Variants in TM9SF3 observed in about 807,000 individuals in gnomAD.
TM9SF3 encodes transmembrane 9 superfamily member 3, also known as SM-11044-binding protein.
In TM9SF3, 14 loss-of-function variants were observed where a neutral mutation model predicts 78.6. That is an observed-to-expected ratio of 0.18 (90% CI 0.12 to 0.28). TM9SF3 has a LOEUF of 0.28. Among genes scored for constraint, TM9SF3 ranks in the 10% least tolerant of loss-of-function variants. TM9SF3 has a pLI of 1.00. For synonymous variants in TM9SF3, 231 were observed against 241.7 expected, an observed-to-expected ratio of 0.96 and a Z score of 0.41; for missense variants, 496 against 721.9, an observed-to-expected ratio of 0.69 and a Z score of 3.59.
chr10:96,522,526 T>C (rs190287552), intron 14 of TM9SF3, among the ~76,000 whole-genome samples, 196 bp from the exon 15 acceptor site: 10 of 152,032 alleles, frequency 6.6e-5, no homozygotes, highest in Admixed American at 2.0e-4. Context: ...ACACTGAGTC[T>C]GACCATCATA....
chr10:96,568,969 C>T (rs552900965), intron 2 of TM9SF3, among the ~76,000 whole-genome samples: 57 of 152,214 alleles, frequency 3.7e-4, no homozygotes, highest in African/African-American at 1.3e-3. Context: ...AGACTGATCC[C>T]CTGAGCCCAG....
intron 11 of TM9SF3, among the ~76,000 whole-genome samples, chr10:96,529,025 T>C (rs1488255795): frequency 6.6e-6 from 1 of 152,080 alleles, no homozygotes; most frequent in Admixed American, 6.6e-5. Flanking sequence ...AGAGAAGTTA[T>C]CTAGTGGAAC....
chr10:96,556,319 A>T (rs780719584), intron 5 of TM9SF3, among the ~76,000 whole-genome samples: 4 of 152,200 alleles, frequency 2.6e-5, no homozygotes, highest in Non-Finnish European at 4.4e-5. Context: ...CAAACACTGA[A>T]CTAGGTGCTT....
intron 1 of TM9SF3, among the ~76,000 whole-genome samples, chr10:96,586,004 T>C (rs1008072460): frequency 2.0e-5 from 3 of 152,184 alleles, no homozygotes; most frequent in African/African-American, 7.2e-5. Flanking sequence ...GGCCCTGACC[T>C]GAAGACTGGG....
At chr10:96,571,358 A>C (rs192312989) in intron 2 of TM9SF3, among the ~76,000 whole-genome samples, 132 of 152,296 alleles carry the variant, frequency 8.7e-4, no homozygotes, top group Non-Finnish European at 1.6e-3. Context: ...CCTGTAGTAG[A>C]CCAGTGGCAC....
At chr10:96,524,933 A>C (rs1847821105) in intron 14 of TM9SF3, among the ~76,000 whole-genome samples, 1 of 152,002 alleles carries the variant, frequency 6.6e-6, no homozygotes, top group South Asian at 2.1e-4. Flanking sequence ...CATTGCCAGA[A>C]CAGCAGGGAA....
intron 2 of TM9SF3, among the ~76,000 whole-genome samples, chr10:96,569,040 T>C (rs1848409940): frequency 6.6e-6 from 1 of 151,996 alleles, no homozygotes; most frequent in African/African-American, 2.4e-5. Context: ...CCAGAAAAAT[T>C]AGCCAGGCAT....
chr10:96,529,647 T>TAA (rs72071295), intron 11 of TM9SF3, among the ~76,000 whole-genome samples: 35 of 147,850 alleles, frequency 2.4e-4, no homozygotes, highest in East Asian at 1.6e-3. Flanking sequence ...GCTCTATATT[T>TAA]AAAAAAAAAA....
chr10:96,533,879 A>G (rs1847924532), intron 9 of TM9SF3, among the ~76,000 whole-genome samples: 1 of 152,242 alleles, frequency 6.6e-6, no homozygotes. Context: ...GTGGCCAATT[A>G]GAAACATTTA....
intron 14 of TM9SF3, among the ~76,000 whole-genome samples, chr10:96,526,240 A>G (rs995994411): frequency 1.3e-5 from 2 of 152,132 alleles, no homozygotes; most frequent in African/African-American, 4.8e-5. Context: ...AGCTCTTTCC[A>G]TATCTCACCA....
chr10:96,558,738 A>G (rs1206352432), intron 5 of TM9SF3, among the ~76,000 whole-genome samples: 1 of 152,152 alleles, frequency 6.6e-6, no homozygotes, highest in Non-Finnish European at 1.5e-5. Flanking sequence ...GTTCCGGTAG[A>G]GTCTAAGAAT....
chr10:96,554,652 A>G (rs1297289521), intron 5 of TM9SF3, among the ~76,000 whole-genome samples: 3 of 152,128 alleles, frequency 2.0e-5, no homozygotes, highest in African/African-American at 4.8e-5. Flanking sequence ...AATGATGATG[A>G]TAACACCCTC....
At chr10:96,533,753 T>C (rs1396692863) in intron 9 of TM9SF3, among the ~76,000 whole-genome samples, 1 of 152,184 alleles carries the variant, frequency 6.6e-6, no homozygotes, top group South Asian at 2.1e-4. Context: ...GGAATCCTAA[T>C]AGAAGGAGAT....
chr10:96,585,541 G>A, intron 1 of TM9SF3, among the ~76,000 whole-genome samples: 1 of 152,240 alleles, frequency 6.6e-6, no homozygotes, highest in East Asian at 1.9e-4. Flanking sequence ...ACACAGGTAA[G>A]AAGTTTCTGG....
chr10:96,521,908 C>T lies in TM9SF3; in HGVS notation c.*355G>A. ...ATGTAATTTTAGCATCCAAGTTTCC[C>T]TCTATTTATTTTATTGGAACAAATG... On this transcript the variant is annotated 3_prime_UTR_variant, in exon 15 of 15. Transcript: ENST00000371142. The T allele has an allele frequency of 5.6e-6, 1 of 179,404 alleles. No individual in the cohort carries two copies. The highest frequency in any genetic ancestry group is 1.2e-5 in the Non-Finnish European group (1 of 86,622). The allele number at this position is 179,404 out of a possible 1,614,324, so 11.1% of individuals were successfully genotyped here. A position where few individuals can be genotyped will look rare whatever the true frequency, so the allele number is the denominator to read the frequency against.
At chr10:96,536,243 T>C (rs183866479) in intron 9 of TM9SF3, among the ~76,000 whole-genome samples, 11 of 152,226 alleles carry the variant, frequency 7.2e-5, no homozygotes, top group African/African-American at 2.2e-4. Flanking sequence ...CCTGCCAAGA[T>C]TGGGAACAAA....
intron 1 of TM9SF3, among the ~76,000 whole-genome samples, chr10:96,585,758 C>G (rs187925041): frequency 1.4e-3 from 219 of 152,302 alleles, no homozygotes; most frequent in African/African-American, 5.2e-3. Context: ...CAAACACAGT[C>G]TCTCATAGAA....
At chr10:96,552,845 G>GA in intron 6 of TM9SF3, 83 bp downstream of exon 6, 1 of 1,287,908 alleles carries the variant, frequency 7.8e-7, no homozygotes, top group Non-Finnish European at 1.0e-6. Flanking sequence ...CTTCCGGTAA[G>GA]AAATTATGAC....
At chr10:96,534,089 G>T (rs565046521) in intron 9 of TM9SF3, among the ~76,000 whole-genome samples, 6 of 152,184 alleles carry the variant, frequency 3.9e-5, no homozygotes, top group African/African-American at 1.4e-4. Context: ...GACACTGATT[G>T]AGAGAAATGA....
Sources: allele counts gnomAD v4.1 joint callset (sites outside exome capture counted in the v4.1 genomes callset), GRCh38; gene constraint gnomAD v4.1.1; transcripts MANE v1.5; gene names NCBI Gene and HGNC (gene_info 2026-07-23, HGNC 2026-07-21).